The following COL6A3 variants were observed in gnomAD, a reference collection of about 807,000 sequenced individuals.
COL6A3 encodes collagen alpha-3(VI) chain.
Under a neutral mutation model 274.1 loss-of-function variants are expected in COL6A3, and 137 were observed. The observed-to-expected ratio is 0.50, with a 90% CI of 0.44 to 0.58. The LOEUF is 0.58. Among genes scored for constraint, COL6A3 ranks in the 20% least tolerant of loss-of-function variants. The probability of loss-of-function intolerance (pLI) is 0.00; values close to 1 mark genes in which losing one functional copy is unlikely to be tolerated. For synonymous variants in COL6A3, 1,650 were observed against 1,650.6 expected, an observed-to-expected ratio of 1.00 and a Z score of 0.01; for missense variants, 3,950 against 4,124.9, an observed-to-expected ratio of 0.96 and a Z score of 1.16.
chr2:237,410,300 C>CTTT (rs552676030), intron 1 of COL6A3, among the ~76,000 whole-genome samples: 4 of 126,200 alleles, frequency 3.2e-5, no homozygotes, highest in South Asian at 2.5e-4. Context: ...AATTTCTTTT[C>CTTT]TTTTTTTTTT....
chr2:237,344,174 G>A lies in COL6A3; in HGVS notation c.7668+176C>T. 1.1e-6 allele frequency: 1 copy of A among 915,796 alleles called. No homozygotes were observed. The highest frequency in any genetic ancestry group is 1.6e-5 in the African/African-American group (1 of 61,826). 56.7% of individuals were successfully genotyped at this position (915,796 alleles called of 1,614,324 possible). On this transcript the variant is annotated intron_variant, in intron 36 of 43. Transcript: ENST00000295550. The surrounding 1 kb of genome is among the most constrained non-coding windows in gnomAD (Gnocchi z 4.8). ...AGCATGTAGGCGTCCCTGTAGTGCT[G>A]GAGCCACGAGGTTGTCCTGGAGACC...
intron 5 of COL6A3, 68 bp downstream of exon 5, chr2:237,380,847 T>C: frequency 2.2e-6 from 3 of 1,394,108 alleles, no homozygotes; most frequent in Non-Finnish European, 3.0e-6. Context: ...ACACTTCATT[T>C]TGTTTTGTTC....
chr2:237,334,638 T>C lies in COL6A3; in HGVS notation c.9217A>G (p.Ser3073Gly), dbSNP rs199680718. The change falls in exon 41 of 44, where the codon AGT (serine) becomes GGT (glycine). Residue 3073 changes from serine (S) to glycine (G), a missense_variant. Transcript: ENST00000295550. The stretch of plus-strand genomic sequence containing the variant: ...ATCATGTACTTACTTGTACTGAAAC[T>C]TCCGTGGTAGGTGGCTCTGACCTGA... Reference protein sequence around the residue: ...RSQVRATYHGSFSTKKSQPPP... With the variant: ...RSQVRATYHGGFSTKKSQPPP... The C allele has an allele frequency of 9.5e-5, 154 of 1,613,358 alleles. 1 individual carries two copies. The highest frequency in any genetic ancestry group is 1.2e-4 in the Non-Finnish European group (137 of 1,180,020).
In COL6A3 at chr2:237,361,857, G is replaced by A. The variant is rs2077444642; in HGVS notation, c.6064-26C>T. Reference sequence around the variant, plus strand: ...CTACCGAAAGGAAGAGAAACCAAATGTTCAGATCTCAAGAAATGCCCAGCA... The same window carrying A: ...CTACCGAAAGGAAGAGAAACCAAATATTCAGATCTCAAGAAATGCCCAGCA... On this transcript the variant is annotated intron_variant, in intron 14 of 43. Transcript: ENST00000295550. This position sits in a 1 kb window ranked among gnomAD's most constrained non-coding sequence, Gnocchi z 5.1. 1.3e-6 allele frequency: 2 copies of A among 1,594,984 alleles called. No homozygotes were observed. Among genetic ancestry groups the A allele is most frequent in the Admixed American group, 3.3e-5 (2 of 59,976 alleles).
In COL6A3 at chr2:237,325,666, G is replaced by A. The variant is rs1291759820; in HGVS notation, c.9387C>T (p.Tyr3129=). The change falls in exon 43 of 44, where the codon TAC becomes TAT. Residue 3129 remains tyrosine (Y), a synonymous_variant. Transcript: ENST00000295550. ...CACAGCTTTTGGTGTTTGGATCATA[G>A]TACCATTTTAATATGAAATCCCTGC... is the stretch of plus-strand genomic sequence containing the variant. The part of the protein sequence containing the change: ...GTCRDFILKW[Y]YDPNTKSCAR... 1 of 1,613,874 alleles carries A rather than the reference G, an allele frequency of 6.2e-7. No individual in the cohort carries two copies. Among genetic ancestry groups the A allele is most frequent in the East Asian group, 2.2e-5 (1 of 44,898 alleles).
chr2:237,394,978 A>G lies in COL6A3; in HGVS notation c.318T>C (p.Ile106=). 6.2e-7 allele frequency: 1 copy of G among 1,614,184 alleles called. No individual in the cohort carries two copies. The change falls in exon 3 of 44, where the codon ATT becomes ATC. Residue 106 remains isoleucine (I), a synonymous_variant. Coordinates refer to ENST00000295550, the MANE Select transcript of COL6A3 (RefSeq NM_004369.4). ...YRTKQEVLSH[I]SNMSYIGGTN... ...TTCCCCCAATATAAGACATGTTGGA[A>G]ATATGAGAAAGGACTTCTTGTTTAG...
At position 237,377,110 on chromosome 2, in the gene COL6A3, C is replaced by A. The variant is rs149310819; in HGVS notation, c.2732G>T (p.Gly911Val). 3.1e-6 allele frequency: 5 copies of A among 1,614,072 alleles called. No individual in the cohort carries two copies. The highest frequency in any genetic ancestry group is 4.2e-6 in the Non-Finnish European group (5 of 1,180,048). ...NLVKRMKIKT[G>V]KALNLGYALD... is the part of the protein sequence containing the mutation. ...CGCGTAGCCCAGGTTGAGGGCTTTG[C>A]CCGTCTTGATCTTCATTCTCTTCAC... Residue 911 changes from glycine (G) to valine (V), a missense_variant, in exon 7 of 44, where the codon GGC (glycine) becomes GTC (valine). Gly to Val is a moderately radical substitution (Grantham distance 109, BLOSUM62 -3). This residue lies in a region of COL6A3 where 1,934 missense variants were observed against 1,984.3 expected (regional missense o/e 0.97). Transcript: ENST00000295550.
chr2:237,347,259 CTG>C (rs1201615086), intron 31 of COL6A3, among the ~76,000 whole-genome samples: 1 of 152,006 alleles, frequency 6.6e-6, no homozygotes. Context: ...AGATGACAGA[CTG>C]AGACCTTGGC....
chr2:237,393,772 A>T (rs1174371418), intron 3 of COL6A3, among the ~76,000 whole-genome samples: 2 of 152,236 alleles, frequency 1.3e-5, no homozygotes, highest in Non-Finnish European at 2.9e-5. Context: ...TTAGGCACTT[A>T]GCCCTGGAAG....
At chr2:237,402,882 G>T (rs1020528225) in intron 1 of COL6A3, among the ~76,000 whole-genome samples, 1 of 152,174 alleles carries the variant, frequency 6.6e-6, no homozygotes, top group Non-Finnish European at 1.5e-5. Flanking sequence ...CTTCATGGTT[G>T]TCTGTTGTGT....
At chr2:237,332,210 T>C (rs1700298950) in intron 42 of COL6A3, among the ~76,000 whole-genome samples, 1 of 149,042 alleles carries the variant, frequency 6.7e-6, no homozygotes, top group East Asian at 2.0e-4. Flanking sequence ...CTTGTCCCTT[T>C]TGGACCACAC....
At position 237,381,124 on chromosome 2, in the gene COL6A3, T is replaced by C. The variant is rs112913396; in HGVS notation, c.1688A>G (p.Asp563Gly). 3.2e-3 allele frequency: 5,116 copies of C among 1,614,244 alleles called. 12 individuals carry two copies. The highest frequency in any genetic ancestry group is 3.9e-3 in the Non-Finnish European group (4,562 of 1,180,048). Residue 563 changes from aspartate (D) to glycine (G), a missense_variant, in exon 5 of 44, where the codon GAT (aspartate) becomes GGT (glycine). Transcript: ENST00000295550. ...LVLITGGKSLDEISQPAQELK... is the reference protein window; with the variant it reads ...LVLITGGKSLGEISQPAQELK... ...CTCCTGGGCAGGCTGGCTGATTTCA[T>C]CTAGGGACTTACCACCTGTGATCAG...
chr2:237,396,587 T>G (rs1012504824), intron 2 of COL6A3, 140 bp downstream of exon 2: 1 of 833,278 alleles, frequency 1.2e-6, no homozygotes, highest in Non-Finnish European at 2.0e-6. Flanking sequence ...CCTAGAACTA[T>G]CCTATCTGAC....
intron 24 of COL6A3, among the ~76,000 whole-genome samples, chr2:237,354,535 T>A (rs2077275281): frequency 6.6e-6 from 1 of 152,120 alleles, no homozygotes; most frequent in Non-Finnish European, 1.5e-5. Flanking sequence ...AATCAGAGAC[T>A]CAAAAGAATG....
rs2078001044 is a variant in COL6A3 at position 237,381,356 on chromosome 2, C to T, written c.1456G>A (p.Val486Met). The change falls in exon 5 of 44, where the codon GTG (valine) becomes ATG (methionine). Residue 486 changes from valine (V) to methionine (M), a missense_variant. This residue lies in a region of COL6A3 where 1,934 missense variants were observed against 1,984.3 expected (regional missense o/e 0.97). Coordinates refer to ENST00000295550, the MANE Select transcript of COL6A3 (RefSeq NM_004369.4). ...CTCACAGTGTCTGCATACTGGGCCA[C>T]TGCCACCTGGATAAGATCCTGTCCG... is the stretch of plus-strand genomic sequence containing the variant. ...EIGQDLIQVA[V>M]AQYADTVRPE... is the part of the protein sequence containing the mutation. The T allele has an allele frequency of 6.2e-7, 1 of 1,614,248 alleles. No homozygotes were observed. Among genetic ancestry groups the T allele is most frequent in the Non-Finnish European group, 8.5e-7 (1 of 1,180,048 alleles).
At chr2:237,363,952 T>C (rs1449689935) in intron 13 of COL6A3, among the ~76,000 whole-genome samples, 1 of 152,208 alleles carries the variant, frequency 6.6e-6, no homozygotes, top group East Asian at 1.9e-4. Context: ...CTTTGTATTA[T>C]TTGGGTGTAG....
Position 237,407,398 on chromosome 2 carries a change from G to A in COL6A3, c.-31+6555C>T, listed in dbSNP as rs1008530796. Among the ~76,000 whole-genome samples the A allele has an allele frequency of 7.9e-5, 12 of 152,126 alleles. No homozygotes were observed. The highest frequency in any genetic ancestry group is 2.2e-4 in the African/African-American group (9 of 41,406). On this transcript the variant is annotated intron_variant, in intron 1 of 43. Transcript: ENST00000295550. This position sits in a 1 kb window ranked among gnomAD's most constrained non-coding sequence, Gnocchi z 4.3. ...TTGTTAGATATGGAGTAGCGGATTC[G>A]AGATCTTCAACTCTTCCTGGTAAAA...
intron 8 of COL6A3, among the ~76,000 whole-genome samples, chr2:237,373,278 C>T (rs1396575323): frequency 6.6e-6 from 1 of 152,218 alleles, no homozygotes; most frequent in Non-Finnish European, 1.5e-5. Context: ...GGCCAAGACA[C>T]AGCATCACAG....
intron 6 of COL6A3, 73 bp from the exon 7 acceptor site, chr2:237,377,417 A>G: frequency 6.9e-7 from 1 of 1,454,318 alleles, no homozygotes; most frequent in South Asian, 1.1e-5. Flanking sequence ...TCAGCCCAGC[A>G]CCATTTGACA....
Sources: gnomAD v4.1 joint callset for allele counts (sites outside exome capture counted in the v4.1 genomes callset) on GRCh38, gnomAD v4.1.1 for gene constraint, gnomAD v4.1.1 regional missense constraint, Gnocchi (gnomAD v3.1) non-coding constraint, MANE v1.5 for transcripts, NCBI Gene and HGNC (gene_info 2026-07-23, HGNC 2026-07-21) for gene names.